The following CAPRIN2 variants were observed in gnomAD, a reference collection of about 807,000 sequenced individuals.
The protein encoded by CAPRIN2 is caprin-2.
A neutral mutation model predicts 130.4 loss-of-function variants in CAPRIN2; 66 were observed. The observed-to-expected ratio is 0.51, with a 90% CI of 0.42 to 0.62. The LOEUF (loss-of-function observed/expected upper bound fraction) is 0.62. Among genes scored for constraint, CAPRIN2 ranks in the 20% least tolerant of loss-of-function variants. The probability of loss-of-function intolerance (pLI) is 0.00; values close to 1 mark genes in which losing one functional copy is unlikely to be tolerated. For missense variants in CAPRIN2, 1,185 were observed against 1,246.6 expected (o/e 0.95, Z 0.74); for synonymous variants, 471 against 444.1 (o/e 1.06, Z -0.76).
intron 5 of CAPRIN2, among the ~76,000 whole-genome samples, chr12:30,731,925 A>C (rs1381851724): frequency 6.6e-6 from 1 of 152,054 alleles, no homozygotes; most frequent in African/African-American, 2.4e-5. Context: ...TGCTCCCAAG[A>C]CATCACAGCT....
chr12:30,729,565 T>C (rs1214285738), intron 7 of CAPRIN2, among the ~76,000 whole-genome samples: 1 of 152,212 alleles, frequency 6.6e-6, no homozygotes, highest in Non-Finnish European at 1.5e-5. Context: ...AAGTAGCAAC[T>C]TCTGTTGGAC....
chr12:30,742,121 T>C (rs2067746159), intron 2 of CAPRIN2, among the ~76,000 whole-genome samples: 2 of 152,096 alleles, frequency 1.3e-5, no homozygotes, highest in South Asian at 2.1e-4. Context: ...AAGAGAACTT[T>C]GGGGGGATGA....
chr12:30,739,332 T>C (rs1440396008), intron 3 of CAPRIN2, among the ~76,000 whole-genome samples: 1 of 151,272 alleles, frequency 6.6e-6, no homozygotes, highest in Non-Finnish European at 1.5e-5. Flanking sequence ...TGTTCTCACA[T>C]ATAAGTGGGG....
intron 12 of CAPRIN2, 128 bp downstream of exon 14, chr12:30,718,951 A>T: frequency 9.3e-7 from 1 of 1,078,780 alleles, no homozygotes; most frequent in Non-Finnish European, 1.3e-6. Flanking sequence ...GCCAAATATA[A>T]TTCTACCAAC....
rs34235088 is a variant in CAPRIN2 at position 30,719,617 on chromosome 12, AT to A, written c.2148+1193del. On this transcript the variant is annotated intron_variant, in intron 12 of 16. Transcript: ENST00000298892. ...AGTTGTTTAGTGTTAATTTTTCTCT[AT>A]TTTAAAGACTTATTAGTTAGTAGGT... 6.4e-5 allele frequency: 10 copies of A among 157,024 alleles called. No homozygotes were observed. In the East Asian group the frequency reaches 1.7e-3, roughly 26 times the overall value. The allele number at this position is 157,024 out of a possible 1,614,324, so 9.7% of individuals were successfully genotyped here.
At chr12:30,753,242 G>A in intron 1 of CAPRIN2, 102 bp downstream of exon 2, 2 of 942,906 alleles carry the variant, frequency 2.1e-6, no homozygotes, top group East Asian at 4.8e-5. Context: ...CCTAAGGTTA[G>A]TTAAATTTTT....
chr12:30,733,669 G>C (rs139521217), exon 5 of CAPRIN2: 1 of 1,613,304 alleles, frequency 6.2e-7, no homozygotes, highest in Non-Finnish European at 8.5e-7. Context: ...CTTCCAAAAG[G>C]TCCCAAAAGT....
At chr12:30,719,205 C>G (rs1344580231) in intron 12 of CAPRIN2, 11 of 1,614,008 alleles carry the variant, frequency 6.8e-6, no homozygotes, top group Non-Finnish European at 9.3e-6. Flanking sequence ...AAGACGGTTG[C>G]TTGCCTGGGG....
chr12:30,737,698 C>T (rs1006601310), intron 3 of CAPRIN2, among the ~76,000 whole-genome samples: 4 of 150,892 alleles, frequency 2.7e-5, no homozygotes, highest in African/African-American at 4.9e-5. Context: ...CCCGGGTTCA[C>T]GCCATTCTCC....
intron 12 of CAPRIN2, chr12:30,720,039 G>A (rs569455182): frequency 1.7e-4 from 26 of 152,294 alleles, no homozygotes; most frequent in South Asian, 1.2e-3. Context: ...AGTAAAAACT[G>A]TAACTTAGAA....
At chr12:30,739,349 C>T (rs1007578644) in intron 3 of CAPRIN2, among the ~76,000 whole-genome samples, 4 of 152,032 alleles carry the variant, frequency 2.6e-5, no homozygotes, top group Non-Finnish European at 5.9e-5. Context: ...GGGGGCTAAA[C>T]AATGAGAACA....
Position 30,713,774 on chromosome 12 carries a change from T to G in CAPRIN2, c.2601+11A>C. 1.4e-6 allele frequency: 2 copies of G among 1,475,718 alleles called. No homozygotes were observed. Among genetic ancestry groups the G allele is most frequent in the Non-Finnish European group, 1.9e-6 (2 of 1,055,690 alleles). The allele number at this position is 1,475,718 out of a possible 1,614,324, so 91.4% of individuals were successfully genotyped here. A position where few individuals can be genotyped will look rare whatever the true frequency, so the allele number is the denominator to read the frequency against. ...TACCACTATTCAACTATGACAACTA[T>G]TCTTACTTACCCTTTGGGAATAAGG... On this transcript the variant is annotated intron_variant, in intron 15 of 16. Coordinates refer to ENST00000298892, the Ensembl canonical transcript of CAPRIN2.
At chr12:30,741,276 G>T (rs868006887) in intron 2 of CAPRIN2, among the ~76,000 whole-genome samples, 170 bp from the exon 4 acceptor site, 1 of 152,074 alleles carries the variant, frequency 6.6e-6, no homozygotes, top group African/African-American at 2.4e-5. Flanking sequence ...ATTAATACCA[G>T]TTTTATTAAG....
exon 6 of CAPRIN2, chr12:30,731,502 A>T: frequency 1.2e-6 from 2 of 1,612,248 alleles, no homozygotes; most frequent in Non-Finnish European, 1.7e-6. Flanking sequence ...AGATCCTTCA[A>T]GTGTTTGTCT....
exon 4 of CAPRIN2, chr12:30,735,126 T>C: frequency 1.2e-6 from 2 of 1,614,190 alleles, no homozygotes; most frequent in South Asian, 1.1e-5. Flanking sequence ...GAACTTGAAG[T>C]ATAGTTCGAA....
At chr12:30,712,674 G>A (rs1336144104) in intron 15 of CAPRIN2, among the ~76,000 whole-genome samples, 1 of 150,038 alleles carries the variant, frequency 6.7e-6, no homozygotes. Context: ...CACATGGCAA[G>A]AGAAGTGATA....
In CAPRIN2 at chr12:30,753,717, G is replaced by T. The variant is rs748527711; in HGVS notation, c.47C>A (p.Ser16Tyr). ...CCACTCCCTTAAACTCTTTTCCACA[G>T]AAGTGAGCTCGAAACCCAATGATGC... Residue 16 changes from serine to tyrosine, a missense_variant, in exon 1 of 17, where the codon TCT becomes TAT. Physicochemically the swap from Ser to Tyr is moderately radical, Grantham distance 144. This residue lies in a region of CAPRIN2 where 1,104 missense variants were observed against 1,104.3 expected (regional missense o/e 1.00). Transcript: ENST00000298892. 2.5e-6 allele frequency: 4 copies of T among 1,613,706 alleles called. No homozygotes were observed. The East Asian group carries it at 8.9e-5, about 36-fold the overall frequency.
At chr12:30,729,205 C>G (rs1477073397) in exon 8 of CAPRIN2, 1 of 1,613,980 alleles carries the variant, frequency 6.2e-7, no homozygotes, top group Admixed American at 1.7e-5. Context: ...CCATCTGGTT[C>G]AGTAAGCATA....
chr12:30,733,656 T>C (rs768476613), exon 5 of CAPRIN2: 6 of 1,613,232 alleles, frequency 3.7e-6, no homozygotes, highest in Non-Finnish European at 5.1e-6. Flanking sequence ...GCTTTCTCAC[T>C]ACCTTCCAAA....
Sources: gnomAD v4.1 joint callset for allele counts (sites outside exome capture counted in the v4.1 genomes callset) on GRCh38, gnomAD v4.1.1 for gene constraint, gnomAD v4.1.1 regional missense constraint, MANE v1.5 for transcripts, NCBI Gene and HGNC (gene_info 2026-07-23, HGNC 2026-07-21) for gene names.